Variants in PCDHGA12 observed in about 807,000 individuals in gnomAD.
PCDHGA12 encodes the protein protocadherin gamma-A12.
Under a neutral mutation model 61.1 loss-of-function variants are expected in PCDHGA12, and 43 were observed. The observed-to-expected ratio is 0.70, with a 90% CI of 0.55 to 0.91. The LOEUF (loss-of-function observed/expected upper bound fraction) is 0.91. Ranked by LOEUF, PCDHGA12 falls within the 40% of genes least tolerant of loss-of-function variation. The pLI is 0.00. For synonymous variants in PCDHGA12, 520 were observed against 542.9 expected (o/e 0.96, Z 0.59); for missense variants, 1,236 against 1,227.7 (o/e 1.01, Z -0.10).
intron 1 of PCDHGA12, chr5:141,478,819 C>G (rs927315523): frequency 2.1e-6 from 3 of 1,447,842 alleles, no homozygotes; most frequent in Non-Finnish European, 2.7e-6. Context: ...CACAACTAAC[C>G]AATCTTGCTA....
At position 141,460,518 on chromosome 5, in the gene PCDHGA12, C is replaced by T. The variant is rs190277142; in HGVS notation, c.2424+27335C>T. ...AAATATGCTGAGAAGGCTATCTTTT[C>T]CCCACCAAATAATCTTAGCACCTTA... On this transcript the variant is annotated intron_variant, in intron 1 of 3. Coordinates refer to ENST00000252085, the MANE Select transcript of PCDHGA12 (RefSeq NM_003735.3). Among the ~76,000 whole-genome samples, 53 of 152,196 alleles carry T rather than the reference C, an allele frequency of 3.5e-4. 1 individual carries two copies. Among genetic ancestry groups the T allele is most frequent in the African/African-American group, 1.2e-3 (50 of 41,522 alleles).
At chr5:141,468,324 C>T (rs1301315098) in intron 1 of PCDHGA12, 1 of 127,722 alleles carries the variant, frequency 7.8e-6, no homozygotes, top group Non-Finnish European at 1.6e-5. Context: ...ACGGTAAACT[C>T]CATCTCAAAA....
intron 2 of PCDHGA12, among the ~76,000 whole-genome samples, chr5:141,505,092 G>A (rs965653546): frequency 5.9e-5 from 9 of 152,170 alleles, no homozygotes; most frequent in African/African-American, 2.2e-4. Flanking sequence ...AACCCAGGAG[G>A]TGGATGTTGC....
intron 1 of PCDHGA12, chr5:141,471,227 T>C (rs2099253010): frequency 6.6e-6 from 1 of 151,604 alleles, no homozygotes; most frequent in Admixed American, 6.6e-5. Flanking sequence ...TTTTTTGTAT[T>C]TTTAGTAGAG....
At chr5:141,441,779 C>T in intron 1 of PCDHGA12, 2 of 390,030 alleles carry the variant, frequency 5.1e-6, no homozygotes, top group South Asian at 2.0e-5. Context: ...TGGTGGACGA[C>T]CTGAATGACA....
At chr5:141,505,576 T>C in intron 3 of PCDHGA12, 95 bp downstream of exon 3, 5 of 1,590,334 alleles carry the variant, frequency 3.1e-6, no homozygotes, top group Admixed American at 1.7e-5. Context: ...ATGTCAAACC[T>C]GTGTAGTTTC....
intron 1 of PCDHGA12, among the ~76,000 whole-genome samples, chr5:141,464,263 T>TA (rs35224477): frequency 7.1e-4 from 74 of 103,538 alleles, no homozygotes; most frequent in East Asian, 1.9e-3. Flanking sequence ...AGACTCCGTC[T>TA]AAAAAAAAAA....
chr5:141,468,845 A>G (rs1426852752), intron 1 of PCDHGA12, among the ~76,000 whole-genome samples: 3 of 152,150 alleles, frequency 2.0e-5, no homozygotes, highest in Non-Finnish European at 2.9e-5. Flanking sequence ...CAGCCTGGGC[A>G]ACAGAGCGAG....
intron 2 of PCDHGA12, among the ~76,000 whole-genome samples, chr5:141,500,216 ATTT>A (rs979396489): frequency 3.1e-4 from 46 of 149,244 alleles, no homozygotes; most frequent in Non-Finnish European, 6.7e-4. Context: ...TTATTTATTT[ATTT>A]ATTTATTGAT....
chr5:141,506,870 G>A (rs2099856877), intron 3 of PCDHGA12, among the ~76,000 whole-genome samples: 1 of 152,166 alleles, frequency 6.6e-6, no homozygotes, highest in East Asian at 1.9e-4. Flanking sequence ...GGTGGGTAGA[G>A]AACCAGGTGA....
rs150897033 is a variant in PCDHGA12, at chr5:141,453,434, G to C, written c.2424+20251G>C. Among the ~76,000 whole-genome samples the C allele has an allele frequency of 3.9e-3, 592 of 151,994 alleles. 6 individuals are homozygous for C. The highest frequency in any genetic ancestry group is 0.011 in the Admixed American group (171 of 15,256). On this transcript the variant is annotated intron_variant, in intron 1 of 3. Coordinates refer to ENST00000252085, the MANE Select transcript of PCDHGA12 (RefSeq NM_003735.3). Reference sequence around the variant, plus strand: ...GGCATAAGCCACCACACCTAGCCTAGTATTCTTTTTTGAATATGTAAAACA... The same window carrying C: ...GGCATAAGCCACCACACCTAGCCTACTATTCTTTTTTGAATATGTAAAACA...
intron 1 of PCDHGA12, among the ~76,000 whole-genome samples, chr5:141,446,167 G>A (rs1357034077): frequency 6.6e-6 from 1 of 152,188 alleles, no homozygotes; most frequent in African/African-American, 2.4e-5. Flanking sequence ...ATTTCATGAG[G>A]GCAGGGGGTG....
chr5:141,475,862 T>G, intron 1 of PCDHGA12: 1 of 492,756 alleles, frequency 2.0e-6, no homozygotes, highest in Non-Finnish European at 3.6e-6. Context: ...GCTAGCTCAT[T>G]CTTCGTGCAG....
In PCDHGA12 at chr5:141,511,342, C is replaced by G. The variant is rs2099883728; in HGVS notation, c.*169C>G. The stretch of plus-strand genomic sequence containing the variant: ...AACAAGTGCCCAGTCAGCACCTACC[C>G]CTTCCCCCCCAGGGGGTTGAATATG... On this transcript the variant is annotated 3_prime_UTR_variant, in exon 4 of 4. Coordinates refer to ENST00000252085, the MANE Select transcript of PCDHGA12 (RefSeq NM_003735.3). 1 of 1,424,960 alleles carries G rather than the reference C, an allele frequency of 7.0e-7. No homozygotes were observed. Among genetic ancestry groups the G allele is most frequent in the Admixed American group, 2.6e-5 (1 of 38,556 alleles). 88.3% of individuals were successfully genotyped at this position (1,424,960 alleles called of 1,614,324 possible).
chr5:141,502,446 C>T (rs541278139), intron 2 of PCDHGA12, among the ~76,000 whole-genome samples: 1 of 152,098 alleles, frequency 6.6e-6, no homozygotes, highest in South Asian at 2.1e-4. Context: ...ATTCAGATTA[C>T]ACACCTTGGT....
At position 141,477,530 on chromosome 5, in the gene PCDHGA12, C is replaced by A; in HGVS notation, c.2425-17277C>A. The A allele has an allele frequency of 6.2e-7, 1 of 1,614,186 alleles. No homozygotes were observed. The highest frequency in any genetic ancestry group is 1.1e-5 in the South Asian group (1 of 91,082). ...CGTTTACATTGAAGAAAACAACCTCCCCGGGGCTCCAATACTAAACCTAAG... is the reference window on the plus strand; with the variant it reads ...CGTTTACATTGAAGAAAACAACCTCACCGGGGCTCCAATACTAAACCTAAG... On this transcript the variant is annotated intron_variant, in intron 1 of 3. Coordinates refer to ENST00000252085, the MANE Select transcript of PCDHGA12 (RefSeq NM_003735.3). The surrounding 1 kb of genome is among the most constrained non-coding windows in gnomAD (Gnocchi z 4.9).
intron 1 of PCDHGA12, among the ~76,000 whole-genome samples, chr5:141,457,440 A>C (rs188608086): frequency 1.3e-5 from 2 of 152,334 alleles, no homozygotes; most frequent in African/African-American, 4.8e-5. Flanking sequence ...ACCAAGCTGC[A>C]GAAGATCACC....
In PCDHGA12 at chr5:141,487,128, G is replaced by T. The variant is rs565927415; in HGVS notation, c.2425-7679G>T. On this transcript the variant is annotated intron_variant, in intron 1 of 3. Transcript: ENST00000252085. This position sits in a 1 kb window ranked among gnomAD's most constrained non-coding sequence, Gnocchi z 5.0. ...GTCATTGTGGTAAAGGATAGTGGTA[G>T]TCCACCACTCTCTACCTCTGTTACT... The T allele has an allele frequency of 6.3e-5, 102 of 1,614,086 alleles. No individual in the cohort carries two copies. The South Asian group carries it at 7.7e-4, about 12-fold the overall frequency.
rs1475572413 is a variant in PCDHGA12, at chr5:141,432,843, T to G, written c.2084T>G (p.Val695Gly). The G allele has an allele frequency of 6.2e-7, 1 of 1,614,066 alleles. No homozygotes were observed. The highest frequency in any genetic ancestry group is 8.5e-7 in the Non-Finnish European group (1 of 1,180,020). ...ETSDLTLYLVVAVAAVSCVFL... is the reference protein window; with the variant it reads ...ETSDLTLYLVGAVAAVSCVFL... ...TCAGACCTCACTCTGTACCTGGTGGTAGCGGTGGCCGCGGTCTCCTGCGTC... is the reference window on the plus strand; with the variant it reads ...TCAGACCTCACTCTGTACCTGGTGGGAGCGGTGGCCGCGGTCTCCTGCGTC... The change falls in exon 1 of 4, where the codon GTA becomes GGA. Residue 695 changes from valine (V) to glycine (G), a missense_variant. Physicochemically the swap from Val to Gly is moderately radical, Grantham distance 109. Coordinates refer to ENST00000252085, the MANE Select transcript of PCDHGA12 (RefSeq NM_003735.3). This position sits in a 1 kb window ranked among gnomAD's most constrained non-coding sequence, Gnocchi z 6.0.
Sources: gnomAD v4.1 joint callset for allele counts (sites outside exome capture counted in the v4.1 genomes callset) on GRCh38, gnomAD v4.1.1 for gene constraint, Gnocchi (gnomAD v3.1) non-coding constraint, MANE v1.5 for transcripts, NCBI Gene and HGNC (gene_info 2026-07-23, HGNC 2026-07-21) for gene names.